UGT1A8: variants seen among roughly 807,000 people sequenced by gnomAD.
The protein encoded by UGT1A8 is UDP-glucuronosyltransferase 1A8.
In UGT1A8, 39 loss-of-function variants were observed where a neutral mutation model predicts 45.3. That is an observed-to-expected ratio of 0.86 (90% CI 0.67 to 1.12). The LOEUF is 1.12. Ranked by LOEUF, UGT1A8 falls within the 50% of genes most tolerant of loss-of-function variation. The pLI is 0.00. For synonymous variants in UGT1A8, 275 were observed against 249.2 expected, an observed-to-expected ratio of 1.10 and a Z score of -0.97; for missense variants, 719 against 664.9, an observed-to-expected ratio of 1.08 and a Z score of -0.90.
At chr2:233,655,031 G>C (rs2073825542) in intron 1 of UGT1A8, among the ~76,000 whole-genome samples, 1 of 152,114 alleles carries the variant, frequency 6.6e-6, no homozygotes, top group Admixed American at 6.5e-5. Flanking sequence ...GGAGGTTGCA[G>C]TGAGCCGAGA....
At chr2:233,627,163 G>A (rs917286571) in intron 1 of UGT1A8, among the ~76,000 whole-genome samples, 1 of 151,988 alleles carries the variant, frequency 6.6e-6, no homozygotes, top group African/African-American at 2.4e-5. Flanking sequence ...TGTCTTTTGT[G>A]TCATCTTGTT....
rs1019619995 is a variant in UGT1A8 at position 233,673,310 on chromosome 2, T to C, written c.855+54748T>C. On this transcript the variant is annotated intron_variant, in intron 1 of 4. Transcript: ENST00000373450. Reference sequence around the variant, plus strand: ...ACCTTTATAGACCAATACAGACAGATTTGACAAGTTCTATTAATAATTGCA... The same window carrying C: ...ACCTTTATAGACCAATACAGACAGACTTGACAAGTTCTATTAATAATTGCA... Among the ~76,000 whole-genome samples, 6 of 152,200 alleles carry C rather than the reference T, an allele frequency of 3.9e-5. 1 individual carries two copies. The highest frequency in any genetic ancestry group is 8.8e-5 in the Non-Finnish European group (6 of 68,018).
At chr2:233,672,424 C>A (rs771467947) in intron 1 of UGT1A8, 6 of 1,613,898 alleles carry the variant, frequency 3.7e-6, no homozygotes, top group Non-Finnish European at 5.1e-6. Flanking sequence ...TTTCTCCCTC[C>A]CCTCCGTGGT....
At chr2:233,672,076 C>T in intron 1 of UGT1A8, 1 of 1,614,126 alleles carries the variant, frequency 6.2e-7, no homozygotes, top group Non-Finnish European at 8.5e-7. Flanking sequence ...GGTGGAGAAA[C>T]TCATTCTCAG....
At chr2:233,703,127 G>A (rs1038080992) in intron 1 of UGT1A8, among the ~76,000 whole-genome samples, 3 of 152,134 alleles carry the variant, frequency 2.0e-5, no homozygotes, top group Non-Finnish European at 4.4e-5. Context: ...CTTTTTACCT[G>A]TTATGGCTTT....
intron 1 of UGT1A8, among the ~76,000 whole-genome samples, chr2:233,674,913 A>T (rs1040675466): frequency 6.6e-6 from 1 of 152,228 alleles, no homozygotes; most frequent in Non-Finnish European, 1.5e-5. Context: ...TTCAGATGCC[A>T]GGATGTGTCT....
At chr2:233,665,069 G>A (rs2074045139) in intron 1 of UGT1A8, among the ~76,000 whole-genome samples, 2 of 152,156 alleles carry the variant, frequency 1.3e-5, no homozygotes, top group Non-Finnish European at 2.9e-5. Context: ...TTATGCATAT[G>A]CAGATATCTA....
chr2:233,644,687 G>T (rs1575397049), intron 1 of UGT1A8, among the ~76,000 whole-genome samples: 1 of 152,224 alleles, frequency 6.6e-6, no homozygotes, highest in East Asian at 1.9e-4. Context: ...CCTCCCAATT[G>T]TCTCCCACCA....
At chr2:233,673,117 A>G (rs1199147499) in intron 1 of UGT1A8, among the ~76,000 whole-genome samples, 9 of 152,186 alleles carry the variant, frequency 5.9e-5, no homozygotes, top group Admixed American at 5.2e-4. Context: ...CCCAGAGGAA[A>G]TGGTCTTAGT....
At chr2:233,728,679 GAA>G (rs1247668399) in intron 1 of UGT1A8, among the ~76,000 whole-genome samples, 1 of 152,248 alleles carries the variant, frequency 6.6e-6, no homozygotes, top group Non-Finnish European at 1.5e-5. Flanking sequence ...TACATGAGAA[GAA>G]AGTTTCAAGG....
intron 1 of UGT1A8, among the ~76,000 whole-genome samples, chr2:233,646,584 C>G (rs756652844): frequency 2.0e-5 from 3 of 152,180 alleles, no homozygotes; most frequent in African/African-American, 7.2e-5. Context: ...CAAAGTTCCA[C>G]AAATCACTAG....
At chr2:233,733,213 G>T (rs974647269) in intron 1 of UGT1A8, among the ~76,000 whole-genome samples, 1 of 152,158 alleles carries the variant, frequency 6.6e-6, no homozygotes, top group African/African-American at 2.4e-5. Flanking sequence ...TTTGGGCTGA[G>T]ACAATGGGGT....
At chr2:233,767,735 C>A in intron 2 of UGT1A8, 114 bp from the exon 3 acceptor site, 2 of 1,569,354 alleles carry the variant, frequency 1.3e-6, no homozygotes, top group Non-Finnish European at 1.7e-6. Flanking sequence ...GATCCTCCCA[C>A]TCTGTTAAAG....
chr2:233,747,363 C>T, intron 1 of UGT1A8: 9 of 1,603,782 alleles, frequency 5.6e-6, no homozygotes, highest in South Asian at 1.1e-5. Context: ...CGTGCGGGAG[C>T]TCCATGCCAG....
At chr2:233,626,865 A>G (rs2073093099) in intron 1 of UGT1A8, among the ~76,000 whole-genome samples, 1 of 152,082 alleles carries the variant, frequency 6.6e-6, no homozygotes, top group South Asian at 2.1e-4. Context: ...ATATCAAAAG[A>G]ATTTTAAAAG....
At chr2:233,648,127 T>C (rs1332614538) in intron 1 of UGT1A8, 21 of 1,350,990 alleles carry the variant, frequency 1.6e-5, no homozygotes, top group Non-Finnish European at 2.1e-5. Context: ...CAATGCTCAA[T>C]GGGAAGCAGA....
At chr2:233,646,738 A>G (rs923225499) in intron 1 of UGT1A8, among the ~76,000 whole-genome samples, 1 of 152,166 alleles carries the variant, frequency 6.6e-6, no homozygotes, top group African/African-American at 2.4e-5. Flanking sequence ...ATTTTGGGCA[A>G]AGCTATTCAA....
In UGT1A8 at chr2:233,771,027, G is replaced by C. The variant is rs186703216; in HGVS notation, c.1296-1235G>C. On this transcript the variant is annotated intron_variant, in intron 4 of 4. Transcript: ENST00000373450. ...CAAAAGCAGGAGCGAGAGAGAGTTG[G>C]GGGGGAAGGTGCCACACACTTTTTA... is the stretch of plus-strand genomic sequence containing the variant. The C allele has an allele frequency of 5.9e-5, 9 of 152,196 alleles. No homozygotes were observed. The East Asian group carries it at 1.4e-3, about 23-fold the overall frequency. The allele number at this position is 152,196 out of a possible 1,614,324, so 9.4% of individuals were successfully genotyped here. A position where few individuals can be genotyped will look rare whatever the true frequency, so the allele number is the denominator to read the frequency against.
chr2:233,762,332 G>A (rs1219389656), intron 1 of UGT1A8, among the ~76,000 whole-genome samples: 1 of 152,156 alleles, frequency 6.6e-6, no homozygotes, highest in Non-Finnish European at 1.5e-5. Flanking sequence ...ATCCACAATA[G>A]CTCTTTTTAG....
Sources: allele counts gnomAD v4.1 joint callset (sites outside exome capture counted in the v4.1 genomes callset), GRCh38; gene constraint gnomAD v4.1.1; transcripts MANE v1.5; gene names NCBI Gene and HGNC (gene_info 2026-07-23, HGNC 2026-07-21).